Variants in PRKN observed in about 807,000 individuals in gnomAD.
The protein encoded by PRKN is parkin RBR E3 ubiquitin protein ligase.
Under a neutral mutation model 59.5 loss-of-function variants are expected in PRKN, and 56 were observed. That is an observed-to-expected ratio of 0.94 (90% CI 0.76 to 1.18). PRKN has a LOEUF of 1.18. Ranked by LOEUF, PRKN falls within the 50% of genes most tolerant of loss-of-function variation. The pLI, the probability that PRKN is intolerant of heterozygous loss-of-function variation, is 0.00. For synonymous variants in PRKN, 250 were observed against 222.1 expected (o/e 1.13, Z -1.12); for missense variants, 657 against 596.4 (o/e 1.10, Z -1.06).
rs112513751 is a variant in PRKN, at chr6:161,360,380, A to G, written c.1168-175T>C. 6.6e-6 allele frequency among the ~76,000 whole-genome samples: 1 copy of G among 151,982 alleles called. No homozygotes were observed. Among genetic ancestry groups the G allele is most frequent in the African/African-American group, 2.4e-5 (1 of 41,364 alleles). On this transcript the variant is annotated intron_variant, in intron 10 of 11. Transcript: ENST00000366898. The surrounding 1 kb of genome is among the most constrained non-coding windows in gnomAD (Gnocchi z 5.1). ...AGACAGCTACTAGGCGGATGGGGAC[A>G]CTCTCCCTGGCATGTGGCGTATGCG...
At position 161,558,446 on chromosome 6, in the gene PRKN, T is replaced by C. The variant is rs79063599; in HGVS notation, c.934-9443A>G. 6.1e-4 allele frequency among the ~76,000 whole-genome samples: 92 copies of C among 151,986 alleles called. No individual in the cohort carries two copies. In the East Asian group the frequency reaches 0.017, roughly 29 times the overall value. ...TGGGCATGGTGGCATGTACCTGTAGTCCCAGCTACTCAGGAGGCTGAGGTG... is the reference window on the plus strand; with the variant it reads ...TGGGCATGGTGGCATGTACCTGTAGCCCCAGCTACTCAGGAGGCTGAGGTG... On this transcript the variant is annotated intron_variant, in intron 8 of 11. Coordinates refer to ENST00000366898, the MANE Select transcript of PRKN (RefSeq NM_004562.3).
chr6:161,504,339 C>T, intron 9 of PRKN, among the ~76,000 whole-genome samples: 1 of 152,154 alleles, frequency 6.6e-6, no homozygotes, highest in Non-Finnish European at 1.5e-5. Context: ...CCCTGCCAGG[C>T]ATAGCCTTTT....
At chr6:162,660,415 T>C (rs1235287334) in intron 1 of PRKN, among the ~76,000 whole-genome samples, 1 of 152,186 alleles carries the variant, frequency 6.6e-6, no homozygotes, top group Non-Finnish European at 1.5e-5. Flanking sequence ...TCACACTGTG[T>C]CTTTGTATGC....
At chr6:162,484,633 G>A (rs1229879501) in intron 1 of PRKN, among the ~76,000 whole-genome samples, 2 of 152,190 alleles carry the variant, frequency 1.3e-5, no homozygotes, top group Non-Finnish European at 2.9e-5. Flanking sequence ...GAGAGTAACA[G>A]TACATCGGAG....
At chr6:162,529,126 G>A (rs568087750) in intron 1 of PRKN, among the ~76,000 whole-genome samples, 2 of 152,084 alleles carry the variant, frequency 1.3e-5, no homozygotes, top group South Asian at 2.1e-4. Context: ...TGCCCACCTC[G>A]GTCTCCTCAA....
intron 1 of PRKN, among the ~76,000 whole-genome samples, chr6:162,680,655 A>T (rs1305181052): frequency 6.6e-6 from 1 of 152,028 alleles, no homozygotes; most frequent in African/African-American, 2.4e-5. Context: ...TTGTAAATCA[A>T]TTTTTTTTAA....
At chr6:161,729,869 T>C (rs1278901695) in intron 7 of PRKN, among the ~76,000 whole-genome samples, 2 of 150,688 alleles carry the variant, frequency 1.3e-5, no homozygotes, top group Non-Finnish European at 1.5e-5. Context: ...ACATGTTGCA[T>C]TCTTTCTGAT....
At position 161,368,279 on chromosome 6, in the gene PRKN, GTATATATTTA is replaced by G. The variant is rs199662784; in HGVS notation, c.1168-8084_1168-8075del. On this transcript the variant is annotated intron_variant, in intron 10 of 11. Transcript: ENST00000366898. ...AAATACATATAATATTTATATATATGTATATATTTATATATATTTATATATATTTGTATAT... is the reference window on the plus strand; with the variant it reads ...AAATACATATAATATTTATATATATGTATATATTTATATATATTTGTATAT... 4.1e-3 allele frequency among the ~76,000 whole-genome samples: 287 copies of G among 70,674 alleles called. 5 individuals carry two copies. The highest frequency in any genetic ancestry group is 0.013 in the African/African-American group (158 of 12,306). The allele number at this position is 70,674 out of a possible 152,430, so 46.4% of individuals were successfully genotyped here.
rs1791010351 is a variant in PRKN at position 161,475,266 on chromosome 6, G to A, written c.1083+73588C>T. Among the ~76,000 whole-genome samples, 1 of 152,138 alleles carries A rather than the reference G, an allele frequency of 6.6e-6. No individual in the cohort carries two copies. Among genetic ancestry groups the A allele is most frequent in the African/African-American group, 2.4e-5 (1 of 41,434 alleles). On this transcript the variant is annotated intron_variant, in intron 9 of 11. Coordinates refer to ENST00000366898, the MANE Select transcript of PRKN (RefSeq NM_004562.3). The surrounding 1 kb of genome is among the most constrained non-coding windows in gnomAD (Gnocchi z 5.3). Reference sequence around the variant, plus strand: ...ACTGGTGTGATGGAGCTGCCAACTTGGGGGAATGCAGTCACCTCTTCCCAC... The same window carrying A: ...ACTGGTGTGATGGAGCTGCCAACTTAGGGGAATGCAGTCACCTCTTCCCAC...
chr6:161,539,593 C>T (rs1779545792), intron 9 of PRKN, among the ~76,000 whole-genome samples: 1 of 152,178 alleles, frequency 6.6e-6, no homozygotes, highest in Non-Finnish European at 1.5e-5. Flanking sequence ...TTATTTTTAA[C>T]ATGTAACATT....
At chr6:161,489,273 T>G (rs986244644) in intron 9 of PRKN, among the ~76,000 whole-genome samples, 16 of 150,866 alleles carry the variant, frequency 1.1e-4, no homozygotes, top group African/African-American at 3.6e-4. Context: ...AAAATACAAA[T>G]TTCTGGCCGG....
chr6:162,276,918 C>G (rs1780660976), intron 2 of PRKN, among the ~76,000 whole-genome samples: 1 of 151,922 alleles, frequency 6.6e-6, no homozygotes. Flanking sequence ...AATGAGGTCC[C>G]ACTGGCCAAG....
At chr6:162,222,670 G>T (rs1777985996) in intron 3 of PRKN, among the ~76,000 whole-genome samples, 1 of 152,084 alleles carries the variant, frequency 6.6e-6, no homozygotes, top group Non-Finnish European at 1.5e-5. Context: ...GTTAAGCACT[G>T]CTCACAATGT....
rs576307802 is a variant in PRKN, at chr6:161,737,303, G to A, written c.871+48469C>T. Reference sequence around the variant, plus strand: ...GACCAGAACAATGTCCCTTAAGAGGGAATTAGGATGGAGCGATGAGGACAG... The same window carrying A: ...GACCAGAACAATGTCCCTTAAGAGGAAATTAGGATGGAGCGATGAGGACAG... On this transcript the variant is annotated intron_variant, in intron 7 of 11. Coordinates refer to ENST00000366898, the MANE Select transcript of PRKN (RefSeq NM_004562.3). Among the ~76,000 whole-genome samples, 6 of 152,320 alleles carry A rather than the reference G, an allele frequency of 3.9e-5. 1 individual carries two copies. The South Asian group carries it at 1.2e-3, about 32-fold the overall frequency.
At chr6:162,638,733 C>G (rs903620812) in intron 1 of PRKN, among the ~76,000 whole-genome samples, 1 of 127,938 alleles carries the variant, frequency 7.8e-6, no homozygotes, top group African/African-American at 3.0e-5. Flanking sequence ...TGACTGCTAA[C>G]TATCCCTTTT....
intron 6 of PRKN, among the ~76,000 whole-genome samples, chr6:161,961,247 A>G (rs1174350139): frequency 6.6e-6 from 1 of 152,170 alleles, no homozygotes; most frequent in African/African-American, 2.4e-5. Context: ...CTGCAATGAT[A>G]GCAACAGGTG....
intron 6 of PRKN, among the ~76,000 whole-genome samples, chr6:161,788,353 T>C (rs1391663742): frequency 1.3e-5 from 2 of 152,142 alleles, no homozygotes; most frequent in Non-Finnish European, 2.9e-5. Context: ...AGGGAAAGTT[T>C]AGAGGTCCAA....
At position 162,054,105 on chromosome 6, in the gene PRKN, G is replaced by C; in HGVS notation, c.604C>G (p.Pro202Ala). Reference sequence around the variant, plus strand: ...CAGGTACTTACTGCACTAGTCCCAGGGCAGTGTGGGGATTGGCATTCACCA... The same window carrying C: ...CAGGTACTTACTGCACTAGTCCCAGCGCAGTGTGGGGATTGGCATTCACCA... ...MSGECQSPHC[P>A]GTSAEFFFKC... Residue 202 changes from proline (P) to alanine (A), a missense_variant, in exon 5 of 12, where the codon CCT (proline) becomes GCT (alanine). By Grantham distance (27) the Pro-to-Ala change is conservative. Coordinates refer to ENST00000366898, the MANE Select transcript of PRKN (RefSeq NM_004562.3). The C allele has an allele frequency of 5.0e-6, 8 of 1,604,662 alleles. No individual in the cohort carries two copies. In the African/African-American group the frequency reaches 8.0e-5, roughly 16 times the overall value.
intron 1 of PRKN, among the ~76,000 whole-genome samples, chr6:162,694,255 A>G (rs1015518723): frequency 8.6e-5 from 13 of 151,586 alleles, no homozygotes; most frequent in South Asian, 2.1e-4. Flanking sequence ...AAAAAAAAAA[A>G]AAGAAGAAAT....
Sources: gnomAD v4.1 joint callset for allele counts (sites outside exome capture counted in the v4.1 genomes callset) on GRCh38, gnomAD v4.1.1 for gene constraint, Gnocchi (gnomAD v3.1) non-coding constraint, MANE v1.5 for transcripts, NCBI Gene and HGNC (gene_info 2026-07-23, HGNC 2026-07-21) for gene names.